The following DPP10 variants were observed in gnomAD, a reference collection of about 807,000 sequenced individuals.
DPP10 encodes inactive dipeptidyl peptidase 10.
DPP10 carries 33 observed loss-of-function variants against 120.9 expected under a neutral mutation model. The observed-to-expected ratio is 0.27, with a 90% confidence interval of 0.21 to 0.37. DPP10 has a LOEUF of 0.37. DPP10 is among the 10% of genes least tolerant of loss of function. DPP10 has a pLI of 1.00. For synonymous variants in DPP10, 337 were observed against 326.1 expected (o/e 1.03, Z -0.36); for missense variants, 816 against 942.8 (o/e 0.87, Z 1.76).
chr2:114,729,405 G>A (rs971795317), intron 1 of DPP10, among the ~76,000 whole-genome samples: 1 of 152,176 alleles, frequency 6.6e-6, no homozygotes, highest in Non-Finnish European at 1.5e-5. Flanking sequence ...GAGCCTCTTC[G>A]GGGATTTGGC....
At chr2:115,362,009 T>TG (rs375337804) in intron 3 of DPP10, among the ~76,000 whole-genome samples, 13 of 16,880 alleles carry the variant, frequency 7.7e-4, no homozygotes, top group Admixed American at 3.2e-3. Flanking sequence ...TGTGTATGTT[T>TG]TGTGTGTATG....
At chr2:115,810,695 A>G (rs919751233) in intron 19 of DPP10, among the ~76,000 whole-genome samples, 7 of 152,194 alleles carry the variant, frequency 4.6e-5, no homozygotes, top group African/African-American at 1.7e-4. Context: ...TGACCTTTTC[A>G]CTGCTTAAAA....
At chr2:114,918,746 AGTACACAT>A (rs1261788228) in intron 1 of DPP10, among the ~76,000 whole-genome samples, 1 of 152,178 alleles carries the variant, frequency 6.6e-6, no homozygotes, top group Non-Finnish European at 1.5e-5. Flanking sequence ...CTAAACACTG[AGTACACAT>A]GTACACAAAG....
At chr2:114,957,694 A>C (rs551682702) in intron 1 of DPP10, among the ~76,000 whole-genome samples, 25 of 152,336 alleles carry the variant, frequency 1.6e-4, no homozygotes, top group African/African-American at 6.0e-4. Flanking sequence ...GAACAGACCT[A>C]AGTGTACATC....
intron 1 of DPP10, among the ~76,000 whole-genome samples, chr2:115,202,262 T>C (rs2055789865): frequency 1.3e-5 from 2 of 152,124 alleles, no homozygotes; most frequent in African/African-American, 4.8e-5. Flanking sequence ...TTTAAAGCAA[T>C]AAAGGCTACT....
intron 5 of DPP10, among the ~76,000 whole-genome samples, chr2:115,614,993 C>A (rs569596806): frequency 6.6e-6 from 1 of 152,130 alleles, no homozygotes; most frequent in South Asian, 2.1e-4. Context: ...ATTATTATTA[C>A]CTATGTCCAC....
At chr2:115,590,110 CCTTTT>C (rs913720547) in intron 5 of DPP10, among the ~76,000 whole-genome samples, 11 of 140,172 alleles carry the variant, frequency 7.8e-5, no homozygotes, top group African/African-American at 2.7e-4. Flanking sequence ...AACCTGCTTT[CCTTTT>C]CTTTTTTTTT....
intron 1 of DPP10, among the ~76,000 whole-genome samples, chr2:115,006,939 C>T (rs1248382943): frequency 6.6e-6 from 1 of 152,078 alleles, no homozygotes; most frequent in East Asian, 1.9e-4. Context: ...TACACCACAC[C>T]TATTCCAAAA....
intron 1 of DPP10, among the ~76,000 whole-genome samples, chr2:114,666,305 G>A (rs972875709): frequency 6.6e-6 from 1 of 152,086 alleles, no homozygotes; most frequent in Non-Finnish European, 1.5e-5. Context: ...TTCAAAGTAG[G>A]AAAATTTAAA....
intron 3 of DPP10, among the ~76,000 whole-genome samples, chr2:115,485,112 T>C (rs561505108): frequency 1.3e-5 from 2 of 151,982 alleles, no homozygotes; most frequent in African/African-American, 4.8e-5. Context: ...ATAATAGCTG[T>C]TTACAGTTAG....
chr2:115,807,826 TGG>T (rs1559182167), intron 19 of DPP10, among the ~76,000 whole-genome samples: 2 of 146,374 alleles, frequency 1.4e-5, no homozygotes, highest in African/African-American at 5.5e-5. Flanking sequence ...AATATATGTT[TGG>T]GTTTTTTTTA....
intron 5 of DPP10, among the ~76,000 whole-genome samples, chr2:115,555,256 C>T (rs1236719447): frequency 6.6e-6 from 1 of 152,012 alleles, no homozygotes; most frequent in Non-Finnish European, 1.5e-5. Context: ...GGAGGAAAAA[C>T]TTTCCTCTGC....
intron 1 of DPP10, among the ~76,000 whole-genome samples, chr2:115,195,998 G>A (rs977395194): frequency 2.0e-5 from 3 of 152,178 alleles, no homozygotes; most frequent in Non-Finnish European, 4.4e-5. Flanking sequence ...ATCTTGAAAG[G>A]AATACACAGG....
chr2:114,659,197 TG>T (rs1463958168), intron 1 of DPP10, among the ~76,000 whole-genome samples: 1 of 152,202 alleles, frequency 6.6e-6, no homozygotes, highest in African/African-American at 2.4e-5. Context: ...ATTTCCCTAT[TG>T]CAGCATGAAA....
At chr2:114,608,709 A>G (rs1437902059) in intron 1 of DPP10, among the ~76,000 whole-genome samples, 1 of 152,126 alleles carries the variant, frequency 6.6e-6, no homozygotes, top group Non-Finnish European at 1.5e-5. Context: ...ACAGCCAAAA[A>G]AAAAAACAGT....
chr2:114,599,760 T>C (rs1692215170), intron 1 of DPP10, among the ~76,000 whole-genome samples: 1 of 151,808 alleles, frequency 6.6e-6, no homozygotes, highest in South Asian at 2.1e-4. Flanking sequence ...GATAGTTCCT[T>C]ATGTATTATT....
intron 1 of DPP10, among the ~76,000 whole-genome samples, chr2:114,982,331 G>A (rs1209871766): frequency 1.3e-5 from 2 of 152,022 alleles, no homozygotes; most frequent in East Asian, 3.9e-4. Context: ...AAGCAGTTAT[G>A]CTAATTTATT....
At chr2:115,661,612 T>C (rs957307364) in intron 5 of DPP10, among the ~76,000 whole-genome samples, 2 of 152,200 alleles carry the variant, frequency 1.3e-5, no homozygotes, top group African/African-American at 2.4e-5. Flanking sequence ...CAACAGCCAG[T>C]TTCATGGTGT....
At chr2:115,104,445 G>T (rs13035561) in intron 1 of DPP10, among the ~76,000 whole-genome samples, 51,485 of 151,832 alleles carry the variant, frequency 0.34, 9,803 homozygotes, top group Non-Finnish European at 0.42. Context: ...CAATTCAAAT[G>T]GTGCTGTTTA....
Sources: allele counts gnomAD v4.1 joint callset (sites outside exome capture counted in the v4.1 genomes callset), GRCh38; gene constraint gnomAD v4.1.1; transcripts MANE v1.5; gene names NCBI Gene and HGNC (gene_info 2026-07-23, HGNC 2026-07-21).